The following PTPRN2 variants were observed in gnomAD, a reference collection of about 807,000 sequenced individuals.
The protein encoded by PTPRN2 is protein tyrosine phosphatase receptor type N2, also known as receptor-type tyrosine-protein phosphatase N2.
PTPRN2 carries 74 observed loss-of-function variants against 118.8 expected under a neutral mutation model. The observed-to-expected ratio is 0.62, with a 90% CI of 0.52 to 0.76. The LOEUF is 0.76. Among genes scored for constraint, PTPRN2 ranks in the 30% least tolerant of loss-of-function variants. The pLI is 0.00. For missense variants in PTPRN2, 1,481 were observed against 1,394.4 expected (o/e 1.06, Z -0.99); for synonymous variants, 641 against 608.0 (o/e 1.05, Z -0.80).
chr7:158,419,055 G>A (rs143722973), intron 2 of PTPRN2, among the ~76,000 whole-genome samples: 1 of 152,344 alleles, frequency 6.6e-6, no homozygotes, highest in East Asian at 1.9e-4. Flanking sequence ...CCTTCACCAT[G>A]CAATGAGGTA....
intron 12 of PTPRN2, among the ~76,000 whole-genome samples, chr7:157,708,939 C>A (rs917919635): frequency 4.6e-5 from 7 of 152,210 alleles, no homozygotes; most frequent in African/African-American, 1.7e-4. Context: ...TCTACTAGAG[C>A]CTGCACCCCA....
Position 157,656,842 on chromosome 7 carries a change from C to T in PTPRN2, c.2002-291G>A, listed in dbSNP as rs1052746553. Among the ~76,000 whole-genome samples the T allele has an allele frequency of 3.8e-4, 45 of 119,086 alleles. 3 individuals carry two copies. The highest frequency in any genetic ancestry group is 1.3e-3 in the African/African-American group (43 of 33,634). 78.1% of individuals were successfully genotyped at this position (119,086 alleles called of 152,430 possible). On this transcript the variant is annotated intron_variant, in intron 13 of 22. Coordinates refer to ENST00000389418, the MANE Select transcript of PTPRN2 (RefSeq NM_002847.5). ...ATACACACACACATATACACACACA[C>T]ACCACACACACACACACATCACACA...
intron 11 of PTPRN2, among the ~76,000 whole-genome samples, chr7:157,963,032 G>A (rs1180154242): frequency 6.6e-6 from 1 of 152,242 alleles, no homozygotes; most frequent in East Asian, 1.9e-4. Flanking sequence ...CACCTCGCAA[G>A]GCAGCATGCA....
At chr7:157,995,911 T>C (rs1301381172) in intron 11 of PTPRN2, among the ~76,000 whole-genome samples, 2 of 152,206 alleles carry the variant, frequency 1.3e-5, no homozygotes, top group African/African-American at 2.4e-5. Context: ...AAAGAAAACG[T>C]GGTGTGTCCA....
intron 2 of PTPRN2, among the ~76,000 whole-genome samples, chr7:158,345,506 G>A (rs1468656790): frequency 3.3e-5 from 5 of 152,150 alleles, no homozygotes; most frequent in Non-Finnish European, 5.9e-5. Flanking sequence ...GGAAGCCCCA[G>A]GTAGAAGGAG....
intron 12 of PTPRN2, among the ~76,000 whole-genome samples, chr7:157,886,046 A>G (rs915390370): frequency 1.3e-5 from 2 of 152,172 alleles, no homozygotes; most frequent in African/African-American, 4.8e-5. Flanking sequence ...TCATCTCTTT[A>G]AGCAACTCCA....
rs1797397461 is a variant in PTPRN2, at chr7:157,690,048, C to A, written c.1789-7111G>T. ...TGCCTGCACCCCCCCACCCCCAGCA[C>A]CCTGCAATGGTCGGAACTGCAGGGA... On this transcript the variant is annotated intron_variant, in intron 12 of 22. Transcript: ENST00000389418. The surrounding 1 kb of genome is among the most constrained non-coding windows in gnomAD (Gnocchi z 7.1). Among the ~76,000 whole-genome samples, 1 of 152,238 alleles carries A rather than the reference C, an allele frequency of 6.6e-6. No individual in the cohort carries two copies. The highest frequency in any genetic ancestry group is 1.5e-5 in the Non-Finnish European group (1 of 68,046).
At chr7:158,197,794 C>T (rs1826328500) in intron 4 of PTPRN2, among the ~76,000 whole-genome samples, 1 of 152,156 alleles carries the variant, frequency 6.6e-6, no homozygotes, top group Non-Finnish European at 1.5e-5. Context: ...TGAAAACTCA[C>T]TCACTATCAT....
intron 11 of PTPRN2, among the ~76,000 whole-genome samples, chr7:158,072,151 C>G (rs1284164488): frequency 1.6e-5 from 2 of 124,452 alleles, no homozygotes; most frequent in Non-Finnish European, 3.3e-5. Context: ...AAATGCCATT[C>G]AGTTGAACCT....
At position 157,982,190 on chromosome 7, in the gene PTPRN2, G is replaced by GT. The variant is rs113980336; in HGVS notation, c.1724-83454dup. Among the ~76,000 whole-genome samples the GT allele has an allele frequency of 3.5e-3, 410 of 117,192 alleles. 1 individual carries two copies. The highest frequency in any genetic ancestry group is 0.014 in the African/African-American group (378 of 26,140). The allele number at this position is 117,192 out of a possible 152,430, so 76.9% of individuals were successfully genotyped here. A position where few individuals can be genotyped will look rare whatever the true frequency, so the allele number is the denominator to read the frequency against. ...TGAGGAGGGGAATGCAGAGTGCAGG[G>GT]TCCCCCCTAAACCCCGAGTCACAGA... is the stretch of plus-strand genomic sequence containing the variant. On this transcript the variant is annotated intron_variant, in intron 11 of 22. Coordinates refer to ENST00000389418, the MANE Select transcript of PTPRN2 (RefSeq NM_002847.5).
At chr7:157,688,515 C>T (rs1353187423) in intron 12 of PTPRN2, among the ~76,000 whole-genome samples, 3 of 152,184 alleles carry the variant, frequency 2.0e-5, no homozygotes, top group Non-Finnish European at 4.4e-5. Context: ...TCAGACTCAG[C>T]GGATCACACT....
In PTPRN2 at chr7:157,650,000, A is replaced by G. The variant is rs1027999017; in HGVS notation, c.2196+6357T>C. On this transcript the variant is annotated intron_variant, in intron 14 of 22. Coordinates refer to ENST00000389418, the MANE Select transcript of PTPRN2 (RefSeq NM_002847.5). ...GCACTGAACTCGGTGGGTCGGACCC[A>G]TTCACTGTGCACTGAACTCGGTGGA... Among the ~76,000 whole-genome samples the G allele has an allele frequency of 2.6e-5, 4 of 151,712 alleles. No individual in the cohort carries two copies. The East Asian group carries it at 5.8e-4, about 22-fold the overall frequency.
chr7:158,226,560 G>A (rs117662445), intron 3 of PTPRN2, among the ~76,000 whole-genome samples: 2 of 152,262 alleles, frequency 1.3e-5, no homozygotes, highest in Non-Finnish European at 2.9e-5. Flanking sequence ...TGGTGGCAGC[G>A]TGCATGGTGG....
chr7:158,396,778 G>A (rs1157690667), intron 2 of PTPRN2, among the ~76,000 whole-genome samples: 5 of 152,204 alleles, frequency 3.3e-5, no homozygotes, highest in Admixed American at 6.5e-5. Context: ...GCGGTGACCC[G>A]CCTCGGGGTC....
At chr7:157,996,916 C>T (rs912899532) in intron 11 of PTPRN2, among the ~76,000 whole-genome samples, 6 of 152,288 alleles carry the variant, frequency 3.9e-5, no homozygotes, top group South Asian at 2.1e-4. Flanking sequence ...ATCCTAGGCC[C>T]GGGGCGGGTG....
intron 11 of PTPRN2, among the ~76,000 whole-genome samples, chr7:158,079,233 T>C (rs1158093213): frequency 6.6e-6 from 1 of 152,138 alleles, no homozygotes; most frequent in Non-Finnish European, 1.5e-5. Context: ...ATGTAAACAA[T>C]TTTGCACACG....
intron 2 of PTPRN2, among the ~76,000 whole-genome samples, chr7:158,373,013 G>T (rs1810205907): frequency 6.6e-6 from 1 of 152,164 alleles, no homozygotes; most frequent in African/African-American, 2.4e-5. Flanking sequence ...CCACTACAGG[G>T]AGGCTGCCAG....
At chr7:158,564,349 AT>A (rs1224881355) in intron 1 of PTPRN2, among the ~76,000 whole-genome samples, 1 of 152,232 alleles carries the variant, frequency 6.6e-6, no homozygotes, top group African/African-American at 2.4e-5. Flanking sequence ...TAGAAGTGGG[AT>A]TTGGGGGTAA....
At chr7:157,858,101 CAGGGAGAGCCT>C (rs1809886495) in intron 12 of PTPRN2, among the ~76,000 whole-genome samples, 2 of 130,840 alleles carry the variant, frequency 1.5e-5, no homozygotes, top group African/African-American at 3.0e-5. Flanking sequence ...CACACTCCTG[CAGGGAGAGCCT>C]CCCAGCCACC....
Sources: gnomAD v4.1 joint callset for allele counts (sites outside exome capture counted in the v4.1 genomes callset) on GRCh38, gnomAD v4.1.1 for gene constraint, Gnocchi (gnomAD v3.1) non-coding constraint, MANE v1.5 for transcripts, NCBI Gene and HGNC (gene_info 2026-07-23, HGNC 2026-07-21) for gene names.